The following TULP4 variants were observed in gnomAD, a reference collection of about 807,000 sequenced individuals.
TULP4 encodes tubby-related protein 4.
Under a neutral mutation model 129.0 loss-of-function variants are expected in TULP4, and 16 were observed. That is an observed-to-expected ratio of 0.12 (90% CI 0.08 to 0.19). The LOEUF is 0.19. Among genes scored for constraint, TULP4 ranks in the 10% least tolerant of loss-of-function variants. The pLI, the probability that TULP4 is intolerant of heterozygous loss-of-function variation, is 1.00. For synonymous variants in TULP4, 998 were observed against 854.0 expected (o/e 1.17, Z -2.94); for missense variants, 1,842 against 2,059.1 (o/e 0.89, Z 2.04).
intron 1 of TULP4, among the ~76,000 whole-genome samples, chr6:158,349,182 C>T (rs1360618135): frequency 8.8e-5 from 11 of 124,590 alleles, no homozygotes; most frequent in South Asian, 2.8e-4. Context: ...GGCGGCTGCC[C>T]GGCAGAGGCG....
At chr6:158,473,636 A>G (rs1314796728) in intron 6 of TULP4, among the ~76,000 whole-genome samples, 1 of 152,176 alleles carries the variant, frequency 6.6e-6, no homozygotes, top group Non-Finnish European at 1.5e-5. Flanking sequence ...CTCCTGCCTC[A>G]GCCTCCCGAG....
chr6:158,481,636 T>C (rs1416437219), intron 8 of TULP4: 2 of 313,680 alleles, frequency 6.4e-6, no homozygotes, highest in East Asian at 6.4e-5. Flanking sequence ...TTGAGACAAC[T>C]TGAAAATAAT....
intron 1 of TULP4, among the ~76,000 whole-genome samples, chr6:158,352,939 G>C (rs828008): frequency 0.92 from 139,923 of 152,288 alleles, 64,474 homozygotes; most frequent in Admixed American, 0.95. Context: ...ATGAGTTTTT[G>C]CTCTCAAAAT....
At chr6:158,499,003 G>A (rs1439499558) in intron 12 of TULP4, among the ~76,000 whole-genome samples, 191 bp downstream of exon 12, 1 of 152,210 alleles carries the variant, frequency 6.6e-6, no homozygotes, top group East Asian at 1.9e-4. Flanking sequence ...ACCAGTGTTG[G>A]CAGGAGGGGA....
At chr6:158,487,626 C>T (rs1235959171) in intron 8 of TULP4, among the ~76,000 whole-genome samples, 1 of 152,234 alleles carries the variant, frequency 6.6e-6, no homozygotes, top group African/African-American at 2.4e-5. Context: ...ATTGATGACA[C>T]AGAATCTCTA....
At chr6:158,428,789 C>G (rs1778560067) in intron 2 of TULP4, among the ~76,000 whole-genome samples, 1 of 152,036 alleles carries the variant, frequency 6.6e-6, no homozygotes, top group African/African-American at 2.4e-5. Context: ...AAGGAAAGAC[C>G]CTGTAGCCAG....
upstream of TULP4, chr6:158,312,290 A>C: frequency 5.1e-6 from 2 of 395,088 alleles, no homozygotes; most frequent in Non-Finnish European, 8.9e-6. Flanking sequence ...CAGTGGGCTC[A>C]GGAGCCCGGG....
intron 1 of TULP4, among the ~76,000 whole-genome samples, chr6:158,285,470 C>T (rs961640794): frequency 6.6e-6 from 1 of 152,196 alleles, no homozygotes; most frequent in Admixed American, 6.5e-5. Flanking sequence ...TCTGCCCCTT[C>T]AGTCTCTGAC....
intron 2 of TULP4, among the ~76,000 whole-genome samples, chr6:158,419,131 A>G (rs1778279738): frequency 6.6e-6 from 1 of 152,210 alleles, no homozygotes; most frequent in Non-Finnish European, 1.5e-5. Flanking sequence ...AGTTTATCTG[A>G]GGAAACAACT....
chr6:158,481,259 A>G lies in TULP4; in HGVS notation c.1456A>G (p.Ile486Val), dbSNP rs544627542. 9 of 1,614,142 alleles carry G rather than the reference A, an allele frequency of 5.6e-6. No individual in the cohort carries two copies. In the East Asian group the frequency reaches 1.8e-4, roughly 32 times the overall value. The change falls in exon 8 of 14, where the codon ATC (isoleucine) becomes GTC (valine). Residue 486 changes from isoleucine to valine, a missense_variant. Coordinates refer to ENST00000367097, the MANE Select transcript of TULP4 (RefSeq NM_020245.5). ...CAGCAAGCTGCGGCCAGAGTTCGTCATCATGGACCCGCGGACAGATAGCAA... is the reference window on the plus strand; with the variant it reads ...CAGCAAGCTGCGGCCAGAGTTCGTCGTCATGGACCCGCGGACAGATAGCAA... ...RISKLRPEFV[I>V]MDPRTDSKPD...
At chr6:158,423,629 GT>G (rs1353292463) in intron 2 of TULP4, among the ~76,000 whole-genome samples, 1 of 84,476 alleles carries the variant, frequency 1.2e-5, no homozygotes, top group East Asian at 2.4e-4. Context: ...ATTTGTTTTT[GT>G]TTTTTGTTGT....
At chr6:158,397,127 C>A (rs1777736449) in intron 1 of TULP4, among the ~76,000 whole-genome samples, 1 of 152,182 alleles carries the variant, frequency 6.6e-6, no homozygotes, top group Non-Finnish European at 1.5e-5. Flanking sequence ...GGAAGACCAC[C>A]ACCAGCAAGT....
At position 158,503,199 on chromosome 6, in the gene TULP4, C is replaced by T. The variant is rs376413347; in HGVS notation, c.3536C>T (p.Ala1179Val). Residue 1179 changes from alanine to valine, a missense_variant, in exon 13 of 14, where the codon GCC becomes GTC. Ala to Val is a moderately conservative substitution (Grantham distance 64). Coordinates refer to ENST00000367097, the MANE Select transcript of TULP4 (RefSeq NM_020245.5). This position sits in a 1 kb window ranked among gnomAD's most constrained non-coding sequence, Gnocchi z 4.3. ...ISPKSPASPT[A>V]TFQTGYGMGV... ...CCCAAGTCTCCTGCCAGCCCCACTG[C>T]CACTTTCCAAACAGGCTATGGGATG... 33 of 1,613,922 alleles carry T rather than the reference C, an allele frequency of 2.0e-5. No individual in the cohort carries two copies. The highest frequency in any genetic ancestry group is 2.8e-5 in the Non-Finnish European group (33 of 1,179,956).
At chr6:158,242,600 TA>T (rs1275880015) in intron 1 of TULP4, 1 of 713,978 alleles carries the variant, frequency 1.4e-6, no homozygotes, top group African/African-American at 1.7e-5. Flanking sequence ...AGTTATTGGC[TA>T]ACAGTTTGGT....
rs566101649 is a variant in TULP4, at chr6:158,421,546, A to C, written c.382-8190A>C. 3.5e-4 allele frequency among the ~76,000 whole-genome samples: 54 copies of C among 152,326 alleles called. 2 individuals are homozygous for C. The South Asian group carries it at 0.01, about 29-fold the overall frequency. ...TAAAATAAAATTTTGTGCAGCCCAA[A>C]GTTCTTTTGCAGTCTTATAGTGGCT... On this transcript the variant is annotated intron_variant, in intron 2 of 13. Coordinates refer to ENST00000367097, the MANE Select transcript of TULP4 (RefSeq NM_020245.5).
intron 1 of TULP4, among the ~76,000 whole-genome samples, chr6:158,273,586 T>G (rs1401674734): frequency 6.6e-6 from 1 of 152,202 alleles, no homozygotes; most frequent in Non-Finnish European, 1.5e-5. Flanking sequence ...CCACATCTGC[T>G]CATGGCAACT....
At chr6:158,489,759 C>A in intron 9 of TULP4, 27 bp downstream of exon 9, 1 of 1,613,610 alleles carries the variant, frequency 6.2e-7, no homozygotes, top group African/African-American at 1.3e-5. Flanking sequence ...GGGAGATCGT[C>A]CTTTCTTGTG....
At chr6:158,302,406 G>A (rs1779147736) in intron 1 of TULP4, among the ~76,000 whole-genome samples, 1 of 152,224 alleles carries the variant, frequency 6.6e-6, no homozygotes, top group Admixed American at 6.5e-5. Flanking sequence ...GGGTTGGACA[G>A]CTCCCATAGG....
chr6:158,262,539 C>G (rs1445565798), intron 1 of TULP4, among the ~76,000 whole-genome samples: 1 of 152,208 alleles, frequency 6.6e-6, no homozygotes, highest in Non-Finnish European at 1.5e-5. Context: ...GGGGCACAAA[C>G]TGGATAAGGC....
Sources: gnomAD v4.1 joint callset for allele counts (sites outside exome capture counted in the v4.1 genomes callset) on GRCh38, gnomAD v4.1.1 for gene constraint, Gnocchi (gnomAD v3.1) non-coding constraint, MANE v1.5 for transcripts, NCBI Gene and HGNC (gene_info 2026-07-23, HGNC 2026-07-21) for gene names.